The following ILK variants were observed in gnomAD, a reference collection of about 807,000 sequenced individuals.
ILK encodes the protein scaffold protein ILK.
A neutral mutation model predicts 57.8 loss-of-function variants in ILK; 37 were observed. That is an observed-to-expected ratio of 0.64 (90% CI 0.49 to 0.84). ILK has a LOEUF of 0.84. Among genes scored for constraint, ILK ranks in the 40% least tolerant of loss-of-function variants. The probability of loss-of-function intolerance (pLI) is 0.00; values close to 1 mark genes in which losing one functional copy is unlikely to be tolerated. For synonymous variants in ILK, 231 were observed against 202.2 expected, an observed-to-expected ratio of 1.14 and a Z score of -1.21; for missense variants, 528 against 595.7, an observed-to-expected ratio of 0.89 and a Z score of 1.18.
chr11:6,605,800 C>G (rs1854841207), intron 2 of ILK, among the ~76,000 whole-genome samples: 1 of 136,148 alleles, frequency 7.3e-6, no homozygotes, highest in Non-Finnish European at 1.6e-5. Context: ...ATTTAAGGCA[C>G]TATGATGAAC....
At position 6,609,747 on chromosome 11, in the gene ILK, G is replaced by C. The variant is rs763522423; in HGVS notation, c.880G>C (p.Ala294Pro). 1 of 1,614,184 alleles carries C rather than the reference G, an allele frequency of 6.2e-7. No homozygotes were observed. The highest frequency in any genetic ancestry group is 8.5e-7 in the Non-Finnish European group (1 of 1,180,014). Residue 294 changes from alanine (A) to proline (P), a missense_variant, in exon 10 of 13, where the codon GCT (alanine) becomes CCT (proline). Ala to Pro is a conservative substitution (Grantham distance 27). Transcript: ENST00000299421. ...GTNFVVDQSQ[A>P]VKFALDMARG... is the part of the protein sequence containing the mutation. ...AGATTTCGTCGTGGACCAGAGCCAG[G>C]CTGTGAAGTTTGCTTTGGACATGGC...
Position 6,610,164 on chromosome 11 carries a change from T to C in ILK, c.1095T>C (p.Pro365=), listed in dbSNP as rs766208118. The part of the protein sequence containing the change: ...WVAPEALQKK[P]EDTNRRSADM... Reference sequence around the variant, plus strand: ...TCTCTCCAGCTCTGCAGAAGAAGCCTGAAGACACAAACAGACGCTCAGCAG... The same window carrying C: ...TCTCTCCAGCTCTGCAGAAGAAGCCCGAAGACACAAACAGACGCTCAGCAG... Residue 365 remains proline (P), a synonymous_variant, in exon 12 of 13, where the codon CCT becomes CCC. Coordinates refer to ENST00000299421, the MANE Select transcript of ILK (RefSeq NM_004517.4). 6.2e-7 allele frequency: 1 copy of C among 1,614,220 alleles called. No individual in the cohort carries two copies. The highest frequency in any genetic ancestry group is 8.5e-7 in the Non-Finnish European group (1 of 1,180,032).
chr11:6,609,486 T>C, intron 8 of ILK, 26 bp from the exon 9 acceptor site: 1 of 1,614,048 alleles, frequency 6.2e-7, no homozygotes, highest in Non-Finnish European at 8.5e-7. Flanking sequence ...TTGTACTGGG[T>C]CTCAACCACT....
At chr11:6,604,825 T>C (rs1168538402) in intron 2 of ILK, 2 of 457,918 alleles carry the variant, frequency 4.4e-6, no homozygotes, top group Non-Finnish European at 8.8e-6. Context: ...AGCTGTATAG[T>C]GACATAATGA....
chr11:6,608,136 C>T lies in ILK; in HGVS notation c.180C>T (p.Ile60=), dbSNP rs746533708. 1 of 1,614,116 alleles carries T rather than the reference C, an allele frequency of 6.2e-7. No homozygotes were observed. Among genetic ancestry groups the T allele is most frequent in the South Asian group, 1.1e-5 (1 of 91,070 alleles). The change falls in exon 3 of 13, where the codon ATC becomes ATT. Residue 60 remains isoleucine (I), a synonymous_variant. Coordinates refer to ENST00000299421, the MANE Select transcript of ILK (RefSeq NM_004517.4). This position sits in a 1 kb window ranked among gnomAD's most constrained non-coding sequence, Gnocchi z 4.9. ...TGTTGATCATGCGGGGGGCACGGAT[C>T]AATGTAATGAACCGTGGGGATGACA... ...VEMLIMRGAR[I]NVMNRGDDTP... is the part of the protein sequence containing the mutation.
intron 2 of ILK, chr11:6,604,921 T>A: frequency 2.2e-6 from 1 of 456,250 alleles, no homozygotes; most frequent in South Asian, 1.5e-5. Flanking sequence ...GTAGAAGTAA[T>A]GATGTCTTGG....
Position 6,609,022 on chromosome 11 carries a change from G to A in ILK, c.533-49G>A, listed in dbSNP as rs1262822590. 5.6e-6 allele frequency: 9 copies of A among 1,612,216 alleles called. No homozygotes were observed. The Admixed American group carries it at 8.3e-5, about 15-fold the overall frequency. ...TAAAAGGAAATAATCCTGGCCTCTT[G>A]GGGCTGGGTTAGGGTGAAGCTGGGT... On this transcript the variant is annotated intron_variant, in intron 6 of 12. Transcript: ENST00000299421.
In ILK at chr11:6,609,140, A is replaced by G. The variant is rs1855238574; in HGVS notation, c.602A>G (p.Glu201Gly). Residue 201 changes from glutamate to glycine, a missense_variant, in exon 7 of 13, where the codon GAG becomes GGG. Glu to Gly is a moderately conservative substitution (Grantham distance 98, BLOSUM62 -2). Transcript: ENST00000299421. ...CTTAACTTCCTGACGAAGCTCAACG[A>G]GAATCACTCTGGAGAGGTGACCCCT... ...KQLNFLTKLN[E>G]NHSGELWKGR... The G allele has an allele frequency of 2.5e-6, 4 of 1,614,098 alleles. No homozygotes were observed. The highest frequency in any genetic ancestry group is 3.4e-6 in the Non-Finnish European group (4 of 1,179,912).
At chr11:6,604,435 G>T in intron 2 of ILK, 75 bp downstream of exon 2, 1 of 1,347,484 alleles carries the variant, frequency 7.4e-7, no homozygotes. Context: ...GCTCATGTCT[G>T]GTGGTGGCGG....
In ILK at chr11:6,609,645, T is replaced by C; in HGVS notation, c.856+6T>C. Reference sequence around the variant, plus strand: ...TGTACTACATGAAGGCACCAGTGAGTAGGGATGTTGAATTTCCTTGGGGAG... The same window carrying C: ...TGTACTACATGAAGGCACCAGTGAGCAGGGATGTTGAATTTCCTTGGGGAG... On this transcript the variant is annotated splice_donor_region_variant and intron_variant, in intron 9 of 12. Coordinates refer to ENST00000299421, the MANE Select transcript of ILK (RefSeq NM_004517.4). The C allele has an allele frequency of 1.2e-6, 2 of 1,613,992 alleles. No homozygotes were observed. Among genetic ancestry groups the C allele is most frequent in the East Asian group, 2.2e-5 (1 of 44,874 alleles).
Position 6,610,209 on chromosome 11 carries a change from G to C in ILK, c.1140G>C (p.Val380=), listed in dbSNP as rs757576502. Residue 380 remains valine, a synonymous_variant, in exon 12 of 13, where the codon GTG becomes GTC. Coordinates refer to ENST00000299421, the MANE Select transcript of ILK (RefSeq NM_004517.4). ...RRSADMWSFA[V]LLWELVTREV... Reference sequence around the variant, plus strand: ...CAGCAGACATGTGGAGTTTTGCAGTGCTTCTGTGGGAACTGGTGACACGGG... The same window carrying C: ...CAGCAGACATGTGGAGTTTTGCAGTCCTTCTGTGGGAACTGGTGACACGGG... The C allele has an allele frequency of 2.0e-5, 33 of 1,614,224 alleles. No individual in the cohort carries two copies. The highest frequency in any genetic ancestry group is 2.7e-5 in the Non-Finnish European group (32 of 1,180,040).
intron 2 of ILK, chr11:6,604,830 T>A (rs919190521): frequency 6.6e-6 from 3 of 457,746 alleles, no homozygotes; most frequent in Non-Finnish European, 1.3e-5. Context: ...TATAGTGACA[T>A]AATGAGATTG....
intron 1 of ILK, 146 bp from the exon 2 acceptor site, chr11:6,604,034 C>G (rs1854567349): frequency 1.7e-6 from 1 of 601,186 alleles, no homozygotes. Flanking sequence ...TTCGTCACCC[C>G]CTGCCCACCC....
chr11:6,609,334 C>A lies in ILK; in HGVS notation c.654C>A (p.Val218=). Residue 218 remains valine (V), a synonymous_variant, in exon 8 of 13, where the codon GTC becomes GTA. Transcript: ENST00000299421. ...GCCGCTGGCAGGGCAATGACATTGT[C>A]GTGAAGGTGCTGAAGGTTCGAGACT... ...WKGRWQGNDI[V]VKVLKVRDWS... is the part of the protein sequence containing the mutation. The A allele has an allele frequency of 6.2e-7, 1 of 1,614,142 alleles. No homozygotes were observed. Among genetic ancestry groups the A allele is most frequent in the Non-Finnish European group, 8.5e-7 (1 of 1,180,026 alleles).
In ILK at chr11:6,610,612, G is replaced by C; in HGVS notation, c.*1G>C. The C allele has an allele frequency of 1.2e-6, 2 of 1,614,194 alleles. No individual in the cohort carries two copies. Among genetic ancestry groups the C allele is most frequent in the Non-Finnish European group, 1.7e-6 (2 of 1,180,030 alleles). ...CCTTGAGAAGATGCAGGACAAGTAGGACTGGAAGGTCCTTGCCTGAACTCC... is the reference window on the plus strand; with the variant it reads ...CCTTGAGAAGATGCAGGACAAGTAGCACTGGAAGGTCCTTGCCTGAACTCC... On this transcript the variant is annotated 3_prime_UTR_variant, in exon 13 of 13. Coordinates refer to ENST00000299421, the MANE Select transcript of ILK (RefSeq NM_004517.4).
chr11:6,608,791 G>T lies in ILK; in HGVS notation c.448+1G>T. On this transcript the variant is annotated splice_donor_variant, in intron 5 of 12. Coordinates refer to ENST00000299421, the MANE Select transcript of ILK (RefSeq NM_004517.4). LOFTEE classifies it high-confidence loss of function. The surrounding 1 kb of genome is among the most constrained non-coding windows in gnomAD (Gnocchi z 4.9). ...GCACCCCTGAGAGAGCTTCTCCGAG[G>T]TCCATCTCCCCATCCCCTAGCTTGT... The T allele has an allele frequency of 6.2e-7, 1 of 1,613,574 alleles. No homozygotes were observed. The highest frequency in any genetic ancestry group is 8.5e-7 in the Non-Finnish European group (1 of 1,179,502).
Position 6,610,051 on chromosome 11 carries a change from A to G in ILK, c.1078+16A>G, listed in dbSNP as rs761346975. The stretch of plus-strand genomic sequence containing the variant: ...GCCCCCGAAGGTGAGTGAAGTCATC[A>G]TGTCGGGAGGTAAAAAAGGACCACC... On this transcript the variant is annotated intron_variant, in intron 11 of 12. Coordinates refer to ENST00000299421, the MANE Select transcript of ILK (RefSeq NM_004517.4). 1 of 1,614,140 alleles carries G rather than the reference A, an allele frequency of 6.2e-7. No individual in the cohort carries two copies. The highest frequency in any genetic ancestry group is 2.2e-5 in the East Asian group (1 of 44,882).
intron 12 of ILK, 52 bp from the exon 13 acceptor site, chr11:6,610,410 C>T: frequency 6.2e-7 from 1 of 1,613,936 alleles, no homozygotes; most frequent in Non-Finnish European, 8.5e-7. Flanking sequence ...AGTGGCTTCT[C>T]TCTACATGAC....
chr11:6,610,757 C>G lies in ILK; in HGVS notation c.*146C>G, dbSNP rs993878543. On this transcript the variant is annotated 3_prime_UTR_variant, in exon 13 of 13. Coordinates refer to ENST00000299421, the MANE Select transcript of ILK (RefSeq NM_004517.4). The stretch of plus-strand genomic sequence containing the variant: ...ATGGGGTCCATCCCCTTCCCCCATC[C>G]CTACCACTGTGGCCCCAAGAGGGGC... The G allele has an allele frequency of 2.2e-6, 3 of 1,336,030 alleles. No homozygotes were observed. The African/African-American group carries it at 4.3e-5, about 19-fold the overall frequency. The allele number at this position is 1,336,030 out of a possible 1,614,324, so 82.8% of individuals were successfully genotyped here.
Sources: gnomAD v4.1 joint callset for allele counts (sites outside exome capture counted in the v4.1 genomes callset) on GRCh38, gnomAD v4.1.1 for gene constraint, Gnocchi (gnomAD v3.1) non-coding constraint, MANE v1.5 for transcripts, NCBI Gene and HGNC (gene_info 2026-07-23, HGNC 2026-07-21) for gene names.